The following RBM20 variants were observed in gnomAD, a reference collection of about 807,000 sequenced individuals.
The protein encoded by RBM20 is RNA-binding protein 20.
A neutral mutation model predicts 110.1 loss-of-function variants in RBM20; 51 were observed. The observed-to-expected ratio is 0.46, with a 90% CI of 0.37 to 0.59. RBM20 has a LOEUF of 0.59. RBM20 is among the 20% of genes least tolerant of loss of function. The pLI is 0.00. For synonymous variants in RBM20, 589 were observed against 618.2 expected, an observed-to-expected ratio of 0.95 and a Z score of 0.70; for missense variants, 1,512 against 1,574.9, an observed-to-expected ratio of 0.96 and a Z score of 0.68.
chr10:110,697,003 A>G (rs1243471766), intron 1 of RBM20, among the ~76,000 whole-genome samples: 1 of 152,186 alleles, frequency 6.6e-6, no homozygotes, highest in Non-Finnish European at 1.5e-5. Flanking sequence ...CTGTCATCAT[A>G]GATTAGTTTT....
At chr10:110,665,777 TATTA>T (rs1177153990) in intron 1 of RBM20, among the ~76,000 whole-genome samples, 4 of 152,206 alleles carry the variant, frequency 2.6e-5, no homozygotes, top group Admixed American at 2.6e-4. Context: ...GAATATTATT[TATTA>T]GTTACTTATT....
intron 1 of RBM20, among the ~76,000 whole-genome samples, chr10:110,670,652 C>T (rs1392972854): frequency 1.3e-5 from 2 of 152,176 alleles, no homozygotes; most frequent in African/African-American, 4.8e-5. Context: ...GCTCAGAGAA[C>T]ATTTAAATAC....
chr10:110,705,362 C>T (rs1235867130), intron 1 of RBM20, among the ~76,000 whole-genome samples: 1 of 152,206 alleles, frequency 6.6e-6, no homozygotes, highest in East Asian at 1.9e-4. Context: ...ATATACTACT[C>T]AGATCCAATA....
chr10:110,643,818 G>C (rs546077829), upstream of RBM20, among the ~76,000 whole-genome samples: 281 of 152,298 alleles, frequency 1.8e-3, 1 homozygote, highest in African/African-American at 6.6e-3. Flanking sequence ...TCAGGGTCGG[G>C]TGCCTCAAGA....
At chr10:110,709,861 G>T (rs955435899) in intron 1 of RBM20, among the ~76,000 whole-genome samples, 3 of 152,042 alleles carry the variant, frequency 2.0e-5, no homozygotes, top group African/African-American at 4.8e-5. Flanking sequence ...GAGCAGTGGT[G>T]CCCAGCCTCA....
At chr10:110,757,857 C>T (rs1843940759) in intron 1 of RBM20, among the ~76,000 whole-genome samples, 1 of 152,016 alleles carries the variant, frequency 6.6e-6, no homozygotes, top group Admixed American at 6.6e-5. Flanking sequence ...GGAAGATTAG[C>T]TGCATCTCTT....
chr10:110,727,884 G>A (rs1256993956), intron 1 of RBM20, among the ~76,000 whole-genome samples: 1 of 152,120 alleles, frequency 6.6e-6, no homozygotes, highest in African/African-American at 2.4e-5. Flanking sequence ...TCCCACTTAT[G>A]AGTGAGAACA....
chr10:110,823,727 T>C, intron 12 of RBM20, 113 bp downstream of exon 12: 2 of 1,203,426 alleles, frequency 1.7e-6, no homozygotes, highest in Non-Finnish European at 2.4e-6. Context: ...CATCGTTTTT[T>C]GTTCTTTTGA....
At chr10:110,675,977 G>T (rs970336194) in intron 1 of RBM20, among the ~76,000 whole-genome samples, 3 of 152,222 alleles carry the variant, frequency 2.0e-5, no homozygotes, top group African/African-American at 7.2e-5. Context: ...AGAATGAGAA[G>T]CAGTGAGGGT....
chr10:110,678,568 G>A (rs191711520), intron 1 of RBM20, among the ~76,000 whole-genome samples: 5 of 152,324 alleles, frequency 3.3e-5, no homozygotes. Flanking sequence ...ACTCTTGAGT[G>A]TGCAAGGCCG....
chr10:110,710,243 C>T (rs183704666), intron 1 of RBM20, among the ~76,000 whole-genome samples: 24 of 152,220 alleles, frequency 1.6e-4, no homozygotes, highest in Non-Finnish European at 1.6e-4. Flanking sequence ...TGGGTTTTCG[C>T]GCAACAAGCT....
chr10:110,801,642 C>T (rs1332784890), intron 7 of RBM20, among the ~76,000 whole-genome samples: 1 of 151,464 alleles, frequency 6.6e-6, no homozygotes, highest in East Asian at 2.0e-4. Context: ...TCAAGCAATT[C>T]TCCTTCCCCA....
intron 1 of RBM20, among the ~76,000 whole-genome samples, chr10:110,659,914 A>C (rs1862078500): frequency 6.7e-6 from 1 of 149,234 alleles, no homozygotes; most frequent in South Asian, 2.1e-4. Context: ...TAGAGTGCAT[A>C]CTGATCCTCC....
At chr10:110,824,317 G>T (rs1844955104) in intron 12 of RBM20, among the ~76,000 whole-genome samples, 1 of 152,136 alleles carries the variant, frequency 6.6e-6, no homozygotes, top group Non-Finnish European at 1.5e-5. Context: ...ATTGTTCATT[G>T]CTCCAGTCCT....
Position 110,666,840 on chromosome 10 carries a change from A to G in RBM20, c.191+22195A>G, listed in dbSNP as rs137866493. Among the ~76,000 whole-genome samples the G allele has an allele frequency of 2.0e-5, 3 of 152,350 alleles. 1 individual carries two copies. Among genetic ancestry groups the G allele is most frequent in the African/African-American group, 7.2e-5 (3 of 41,582 alleles). On this transcript the variant is annotated intron_variant, in intron 1 of 13. Coordinates refer to ENST00000369519, the MANE Select transcript of RBM20 (RefSeq NM_001134363.3). ...TTTTACAAGCAGCTGTAATATAAAC[A>G]TGGGAAAATTGGGGCAAGGCAAATC... is the stretch of plus-strand genomic sequence containing the variant.
intron 7 of RBM20, among the ~76,000 whole-genome samples, chr10:110,806,829 G>A (rs1844701405): frequency 1.3e-5 from 2 of 152,154 alleles, no homozygotes; most frequent in South Asian, 2.1e-4. Flanking sequence ...GGTGATTACA[G>A]CTTTGTTTCA....
At chr10:110,673,527 A>G (rs1862290990) in intron 1 of RBM20, among the ~76,000 whole-genome samples, 1 of 152,206 alleles carries the variant, frequency 6.6e-6, no homozygotes, top group African/African-American at 2.4e-5. Context: ...GGCTTTTCAA[A>G]AAATTTGTAT....
intron 1 of RBM20, among the ~76,000 whole-genome samples, chr10:110,770,372 C>T (rs1478708179): frequency 1.3e-5 from 2 of 152,146 alleles, no homozygotes; most frequent in East Asian, 3.8e-4. Context: ...AAGAAAACAC[C>T]CACCATCCTA....
At chr10:110,777,209 C>T (rs567076939) in intron 1 of RBM20, among the ~76,000 whole-genome samples, 8 of 152,284 alleles carry the variant, frequency 5.3e-5, no homozygotes, top group South Asian at 4.1e-4. Flanking sequence ...AAGGCACGCA[C>T]GCAATTATTT....
Sources: gnomAD v4.1 joint callset for allele counts (sites outside exome capture counted in the v4.1 genomes callset) on GRCh38, gnomAD v4.1.1 for gene constraint, MANE v1.5 for transcripts, NCBI Gene and HGNC (gene_info 2026-07-23, HGNC 2026-07-21) for gene names.